Variants in SACS observed in about 807,000 individuals in gnomAD.
The protein encoded by SACS is sacsin.
Under a neutral mutation model 348.0 loss-of-function variants are expected in SACS, and 197 were observed. The ratio of observed to expected loss-of-function variants is 0.57; its 90% CI spans 0.50 to 0.64. The LOEUF is 0.64. Among genes scored for constraint, SACS ranks in the 30% least tolerant of loss-of-function variants. The probability of loss-of-function intolerance (pLI) is 0.00; values close to 1 mark genes in which losing one functional copy is unlikely to be tolerated. For synonymous variants in SACS, 1,985 were observed against 1,910.6 expected (o/e 1.04, Z -1.02); for missense variants, 4,999 against 5,360.8 (o/e 0.93, Z 2.11).
At chr13:23,389,188 A>G (rs202039954) in intron 2 of SACS, among the ~76,000 whole-genome samples, 7 of 151,418 alleles carry the variant, frequency 4.6e-5, no homozygotes, top group African/African-American at 7.3e-5. Flanking sequence ...ATATGTGTGT[A>G]TGTGTGTGTG....
At chr13:23,380,146 TGTGAGA>T (rs1288467288) in intron 2 of SACS, among the ~76,000 whole-genome samples, 1 of 151,182 alleles carries the variant, frequency 6.6e-6, no homozygotes, top group Non-Finnish European at 1.5e-5. Context: ...TGTGTGTGTG[TGTGAGA>T]GAGAGAGAGA....
rs1325144860 is a variant in SACS at position 23,341,401 on chromosome 13, T to C, written c.2475A>G (p.Leu825=). The C allele has an allele frequency of 6.2e-7, 1 of 1,611,282 alleles. No homozygotes were observed. Among genetic ancestry groups the C allele is most frequent in the Non-Finnish European group, 8.5e-7 (1 of 1,178,286 alleles). The change falls in exon 10 of 10, where the codon TTA becomes TTG. Residue 825 remains leucine (L), a synonymous_variant. Transcript: ENST00000382292. ...CTTCAGATTCATCGTCTAAAATGAC[T>C]AACGATGGAATCCTGAGTCTAATGA... ...VELIRLRIPS[L]VILDDESEAQ...
chr13:23,393,821 C>T (rs1872616695), intron 2 of SACS, among the ~76,000 whole-genome samples: 1 of 152,032 alleles, frequency 6.6e-6, no homozygotes, highest in Admixed American at 6.5e-5. Context: ...AGTGCAGTGG[C>T]ACGATCTCGG....
intron 2 of SACS, among the ~76,000 whole-genome samples, chr13:23,385,568 G>A (rs1193462812): frequency 1.3e-5 from 2 of 152,066 alleles, no homozygotes; most frequent in African/African-American, 2.4e-5. Flanking sequence ...ATGTTGGTTA[G>A]GCTGGTCTCG....
chr13:23,349,374 T>C (rs990093781), intron 9 of SACS, among the ~76,000 whole-genome samples: 17 of 152,114 alleles, frequency 1.1e-4, no homozygotes, highest in Admixed American at 1.1e-3. Context: ...GAGAAACAGA[T>C]TTGGGGAGAG....
In SACS at chr13:23,340,976, A is replaced by G. The variant is rs1218665044; in HGVS notation, c.2900T>C (p.Ile967Thr). Residue 967 changes from isoleucine (I) to threonine (T), a missense_variant, in exon 10 of 10, where the codon ATA (isoleucine) becomes ACA (threonine). This residue lies in a region of SACS where 3,156 missense variants were observed against 3,380.1 expected (regional missense o/e 0.93). Coordinates refer to ENST00000382292, the MANE Select transcript of SACS (RefSeq NM_014363.6). ...PADLRLSISVIDSSDEATIRL... is the reference protein window; with the variant it reads ...PADLRLSISVTDSSDEATIRL... ...AATAGTAGCTTCATCACTACTGTCT[A>G]TTACTGAAATAGAAAGTCGCAGATC... 2.5e-6 allele frequency: 4 copies of G among 1,614,146 alleles called. No homozygotes were observed. Among genetic ancestry groups the G allele is most frequent in the Admixed American group, 1.7e-5 (1 of 60,028 alleles).
rs1210957443 is a variant in SACS at position 23,339,293 on chromosome 13, G to C, written c.4583C>G (p.Ser1528Cys). ...CACAAAATCTGAATCTGAGAATTGA[G>C]AATTGTTGAATGACCACAAAGCAGG... The part of the protein sequence containing the change: ...HGPALWSFNN[S>C]QFSDSDFVNI... The change falls in exon 10 of 10, where the codon TCT becomes TGT. Residue 1528 changes from serine (S) to cysteine (C), a missense_variant. Ser to Cys is a moderately radical substitution (Grantham distance 112). Coordinates refer to ENST00000382292, the MANE Select transcript of SACS (RefSeq NM_014363.6). 2 of 1,607,560 alleles carry C rather than the reference G, an allele frequency of 1.2e-6. No individual in the cohort carries two copies. Among genetic ancestry groups the C allele is most frequent in the Admixed American group, 3.4e-5 (2 of 58,998 alleles).
Position 23,336,144 on chromosome 13 carries a change from C to T in SACS, c.7732G>A (p.Asp2578Asn). The T allele has an allele frequency of 6.2e-7, 1 of 1,613,474 alleles. No homozygotes were observed. Among genetic ancestry groups the T allele is most frequent in the Non-Finnish European group, 8.5e-7 (1 of 1,179,506 alleles). Residue 2578 changes from aspartate (D) to asparagine (N), a missense_variant, in exon 10 of 10, where the codon GAT becomes AAT. Around this residue, in one of 6 missense-constraint regions of SACS, gnomAD observed 3,156 missense variants for 3,380.1 expected, o/e 0.93. Coordinates refer to ENST00000382292, the MANE Select transcript of SACS (RefSeq NM_014363.6). ...GGCCCTTGCAATGGGGCCCACTTAT[C>T]ATCAAATATTCTATCAACTGGATGC... is the stretch of plus-strand genomic sequence containing the variant. ...RQHPVDRIFD[D>N]KWAPLQGPAL...
intron 7 of SACS, among the ~76,000 whole-genome samples, chr13:23,356,709 T>C (rs371641133): frequency 8.5e-5 from 13 of 152,166 alleles, no homozygotes; most frequent in Admixed American, 7.2e-4. Flanking sequence ...TGAGAGAAAT[T>C]CCTCCCCAGT....
chr13:23,399,127 A>T (rs1872844464), intron 2 of SACS, among the ~76,000 whole-genome samples: 1 of 152,108 alleles, frequency 6.6e-6, no homozygotes, highest in African/African-American at 2.4e-5. Context: ...ACCTTAATAA[A>T]AAAACACCTA....
chr13:23,358,591 G>T, intron 6 of SACS, 110 bp from the exon 7 acceptor site: 1 of 1,066,386 alleles, frequency 9.4e-7, no homozygotes, highest in Non-Finnish European at 1.4e-6. Flanking sequence ...AAATAGAGAG[G>T]AGTGAATAGA....
chr13:23,358,565 C>A lies in SACS; in HGVS notation c.458-84G>T, dbSNP rs2137744049. ...TCTCAAGAGATCCTCTATACAAAAT[C>A]TCTTATTCGAAGGGAAAATAGAGAG... is the stretch of plus-strand genomic sequence containing the variant. On this transcript the variant is annotated intron_variant, in intron 6 of 9. Coordinates refer to ENST00000382292, the MANE Select transcript of SACS (RefSeq NM_014363.6). The A allele has an allele frequency of 3.4e-6, 5 of 1,464,868 alleles. No homozygotes were observed. The South Asian group carries it at 4.5e-5, about 13-fold the overall frequency. The allele number at this position is 1,464,868 out of a possible 1,614,324, so 90.7% of individuals were successfully genotyped here.
intron 2 of SACS, among the ~76,000 whole-genome samples, chr13:23,382,906 T>A (rs1387002941): frequency 1.3e-5 from 2 of 149,642 alleles, no homozygotes; most frequent in Non-Finnish European, 3.0e-5. Context: ...CTCAGTCTCC[T>A]GGGTAGCTGG....
At chr13:23,412,187 A>C (rs1274316857) in intron 1 of SACS, among the ~76,000 whole-genome samples, 1 of 152,010 alleles carries the variant, frequency 6.6e-6, no homozygotes, top group Non-Finnish European at 1.5e-5. Flanking sequence ...TGAACCCGGG[A>C]GGTGGAGCTT....
chr13:23,338,198 G>GT lies in SACS; in HGVS notation c.5677dup (p.Thr1893AsnfsTer4). The GT allele has an allele frequency of 6.2e-7, 1 of 1,614,040 alleles. No individual in the cohort carries two copies. The highest frequency in any genetic ancestry group is 8.5e-7 in the Non-Finnish European group (1 of 1,179,972). ...TTTCCAGATTTCTTTCCTATTTGAT[G>GT]TAACAGCAAAGCACCCATTGATATG... On this transcript the variant is annotated frameshift_variant, in exon 10 of 10. Transcript: ENST00000382292. LOFTEE classifies it high-confidence loss of function.
chr13:23,389,158 A>T (rs1872426471), intron 2 of SACS, among the ~76,000 whole-genome samples: 1 of 151,568 alleles, frequency 6.6e-6, no homozygotes, highest in Admixed American at 6.6e-5. Flanking sequence ...TAGCTAAAAC[A>T]TATATGTGTG....
rs139048456 is a variant in SACS at position 23,367,664 on chromosome 13, G to A, written c.345+738C>T. On this transcript the variant is annotated intron_variant, in intron 5 of 9. Coordinates refer to ENST00000382292, the MANE Select transcript of SACS (RefSeq NM_014363.6). ...GGCTGGAGTGCAGTGGCGCAATCTC[G>A]GCTCACTGCAATCTCTGCCTCCGGG... 8.5e-4 allele frequency among the ~76,000 whole-genome samples: 129 copies of A among 152,118 alleles called. 4 individuals are homozygous for A. In the East Asian group the frequency reaches 0.021, roughly 24 times the overall value.
In SACS at chr13:23,330,766, T is replaced by G. The variant is rs1593119713; in HGVS notation, c.13110A>C (p.Gln4370His). The G allele has an allele frequency of 6.2e-7, 1 of 1,613,702 alleles. No homozygotes were observed. The highest frequency in any genetic ancestry group is 1.3e-5 in the African/African-American group (1 of 74,854). ...NRLEKQAFLD[Q>H]NADRASRRTF... is the part of the protein sequence containing the mutation. ...TTCGTCTGGAGGCCCTGTCTGCATT[T>G]TGATCTAGAAAAGCCTGTTTTTCTA... The change falls in exon 10 of 10, where the codon CAA becomes CAC. Residue 4370 changes from glutamine to histidine, a missense_variant. Physicochemically the swap from Gln to His is conservative, Grantham distance 24. Around this residue, in one of 6 missense-constraint regions of SACS, gnomAD observed 254 missense variants for 275.1 expected, o/e 0.92. Coordinates refer to ENST00000382292, the MANE Select transcript of SACS (RefSeq NM_014363.6).
Position 23,334,631 on chromosome 13 carries a change from C to T in SACS, c.9245G>A (p.Cys3082Tyr), listed in dbSNP as rs761695127. The T allele has an allele frequency of 2.4e-5, 38 of 1,613,376 alleles. No homozygotes were observed. The highest frequency in any genetic ancestry group is 3.2e-5 in the Non-Finnish European group (38 of 1,179,768). ...NCDETANLYH[C>Y]LIDADIPVSY... is the part of the protein sequence containing the mutation. Reference sequence around the variant, plus strand: ...AACAGGAATATCTGCATCTATAAGACAGTGGTAAAGATTAGCAGTTTCATC... The same window carrying T: ...AACAGGAATATCTGCATCTATAAGATAGTGGTAAAGATTAGCAGTTTCATC... The change falls in exon 10 of 10, where the codon TGT becomes TAT. Residue 3082 changes from cysteine (C) to tyrosine (Y), a missense_variant. Around this residue, in one of 6 missense-constraint regions of SACS, gnomAD observed 734 missense variants for 694.0 expected, o/e 1.06. Coordinates refer to ENST00000382292, the MANE Select transcript of SACS (RefSeq NM_014363.6).
Sources: gnomAD v4.1 joint callset for allele counts (sites outside exome capture counted in the v4.1 genomes callset) on GRCh38, gnomAD v4.1.1 for gene constraint, gnomAD v4.1.1 regional missense constraint, MANE v1.5 for transcripts, NCBI Gene and HGNC (gene_info 2026-07-23, HGNC 2026-07-21) for gene names.